SLC30A8: variants seen among roughly 807,000 people sequenced by gnomAD.
The protein encoded by SLC30A8 is proton-coupled zinc antiporter SLC30A8.
In SLC30A8, 27 loss-of-function variants were observed where a neutral mutation model predicts 36.9. The ratio of observed to expected loss-of-function variants is 0.73; its 90% CI spans 0.54 to 1.01. SLC30A8 has a LOEUF of 1.01. Among genes scored for constraint, SLC30A8 ranks in the 50% least tolerant of loss-of-function variants. The pLI is 0.00. For missense variants in SLC30A8, 439 were observed against 452.0 expected (o/e 0.97, Z 0.26); for synonymous variants, 164 against 172.4 (o/e 0.95, Z 0.38).
chr8:116,989,164 C>A (rs1190906983), intron 1 of SLC30A8, among the ~76,000 whole-genome samples: 1 of 152,150 alleles, frequency 6.6e-6, no homozygotes, highest in African/African-American at 2.4e-5. Context: ...TTTGAATGTG[C>A]TGTACAGCTT....
intron 1 of SLC30A8, among the ~76,000 whole-genome samples, chr8:117,144,258 ATACTT>A (rs1370888485): frequency 2.0e-5 from 3 of 152,166 alleles, no homozygotes; most frequent in Non-Finnish European, 4.4e-5. Context: ...TAAGATATAA[ATACTT>A]TATTTGTTAC....
chr8:117,020,960 A>T (rs1039739946), intron 1 of SLC30A8, among the ~76,000 whole-genome samples: 1 of 152,184 alleles, frequency 6.6e-6, no homozygotes, highest in Admixed American at 6.5e-5. Flanking sequence ...GAAGATGGAG[A>T]AAAGGGAGAG....
chr8:117,049,693 A>T (rs1285180794), intron 2 of SLC30A8, among the ~76,000 whole-genome samples: 1 of 152,194 alleles, frequency 6.6e-6, no homozygotes, highest in Non-Finnish European at 1.5e-5. Context: ...AATCCTTTGA[A>T]TCACTTCCTG....
intron 1 of SLC30A8, among the ~76,000 whole-genome samples, chr8:117,145,760 A>C (rs1821867091): frequency 6.6e-6 from 1 of 152,148 alleles, no homozygotes; most frequent in Non-Finnish European, 1.5e-5. Context: ...TTCCCACTCC[A>C]AAATTTCCTG....
At chr8:117,002,313 C>A (rs972255366) in intron 1 of SLC30A8, among the ~76,000 whole-genome samples, 1 of 152,124 alleles carries the variant, frequency 6.6e-6, no homozygotes, top group Non-Finnish European at 1.5e-5. Context: ...GGTTGCTAAG[C>A]CCAAGTAGTT....
At chr8:116,992,453 A>G (rs1332713354) in intron 1 of SLC30A8, among the ~76,000 whole-genome samples, 1 of 152,150 alleles carries the variant, frequency 6.6e-6, no homozygotes, top group Non-Finnish European at 1.5e-5. Flanking sequence ...CTAAATTGTC[A>G]TGGGTTTTGT....
chr8:117,071,174 G>A (rs1041571241), intron 2 of SLC30A8, among the ~76,000 whole-genome samples: 5 of 152,128 alleles, frequency 3.3e-5, no homozygotes, highest in African/African-American at 4.8e-5. Flanking sequence ...CAACATACAA[G>A]AGTTCCCTTT....
At chr8:117,139,463 T>A (rs1191765651) in intron 1 of SLC30A8, among the ~76,000 whole-genome samples, 1 of 152,122 alleles carries the variant, frequency 6.6e-6, no homozygotes, top group Non-Finnish European at 1.5e-5. Flanking sequence ...TGCTAGCAGC[T>A]TGATTATGGA....
intron 1 of SLC30A8, among the ~76,000 whole-genome samples, chr8:117,025,111 A>G (rs1816834398): frequency 6.6e-6 from 1 of 152,234 alleles, no homozygotes; most frequent in Non-Finnish European, 1.5e-5. Flanking sequence ...GAAATCTAAA[A>G]AGATTATCTT....
intron 1 of SLC30A8, among the ~76,000 whole-genome samples, chr8:116,987,637 A>T (rs1815493434): frequency 6.6e-6 from 1 of 152,016 alleles, no homozygotes; most frequent in South Asian, 2.1e-4. Context: ...GAAAAAAAAA[A>T]ATCCATAGCC....
At chr8:117,016,471 C>G (rs2130714399) in intron 1 of SLC30A8, among the ~76,000 whole-genome samples, 1 of 152,268 alleles carries the variant, frequency 6.6e-6, no homozygotes, top group Non-Finnish European at 1.5e-5. Context: ...GCTATCAACT[C>G]CAGGCTGAGG....
At chr8:117,121,944 C>T (rs1459972748) in intron 2 of SLC30A8, among the ~76,000 whole-genome samples, 1 of 151,898 alleles carries the variant, frequency 6.6e-6, no homozygotes, top group East Asian at 1.9e-4. Flanking sequence ...CAATACTATA[C>T]ACTCAGAAAA....
chr8:116,974,975 G>C (rs941257337), intron 1 of SLC30A8, among the ~76,000 whole-genome samples: 5 of 142,350 alleles, frequency 3.5e-5, no homozygotes, highest in African/African-American at 5.2e-5. Flanking sequence ...TCATAGGTGG[G>C]AATTGAACAA....
chr8:117,118,093 T>C (rs1229057808), intron 2 of SLC30A8, among the ~76,000 whole-genome samples: 1 of 151,548 alleles, frequency 6.6e-6, no homozygotes, highest in East Asian at 1.9e-4. Context: ...TTCTAACTTC[T>C]TAAAGACTTA....
At chr8:117,098,589 G>C (rs574376949) in intron 2 of SLC30A8, among the ~76,000 whole-genome samples, 1 of 152,282 alleles carries the variant, frequency 6.6e-6, no homozygotes, top group South Asian at 2.1e-4. Flanking sequence ...ATCCTGGAAA[G>C]CTGGCCACAA....
intron 1 of SLC30A8, among the ~76,000 whole-genome samples, chr8:117,035,083 A>G (rs1817171557): frequency 6.6e-6 from 1 of 152,178 alleles, no homozygotes; most frequent in African/African-American, 2.4e-5. Flanking sequence ...AAATGATATC[A>G]TTCCACCCCT....
intron 2 of SLC30A8, among the ~76,000 whole-genome samples, chr8:117,082,346 A>T (rs1386908638): frequency 1.3e-5 from 2 of 152,206 alleles, no homozygotes; most frequent in Non-Finnish European, 2.9e-5. Context: ...GCAAGAAAGA[A>T]CCAAATGATT....
chr8:117,047,127 A>G (rs1394010137), intron 2 of SLC30A8, among the ~76,000 whole-genome samples: 1 of 152,202 alleles, frequency 6.6e-6, no homozygotes, highest in African/African-American at 2.4e-5. Flanking sequence ...GCTAAATAGC[A>G]TTAGCAGGGA....
At chr8:116,959,705 A>T (rs756899328) in intron 1 of SLC30A8, among the ~76,000 whole-genome samples, 1 of 152,162 alleles carries the variant, frequency 6.6e-6, no homozygotes, top group East Asian at 1.9e-4. Context: ...TGGAGGCAAG[A>T]TCCTTCTGAG....
Sources: allele counts gnomAD v4.1 joint callset (sites outside exome capture counted in the v4.1 genomes callset), GRCh38; gene constraint gnomAD v4.1.1; transcripts MANE v1.5; gene names NCBI Gene and HGNC (gene_info 2026-07-23, HGNC 2026-07-21).